Variants in NARF observed in about 807,000 individuals in gnomAD.
NARF encodes iron-only hydrogenase-like protein 2.
Under a neutral mutation model 48.0 loss-of-function variants are expected in NARF, and 41 were observed. The ratio of observed to expected loss-of-function variants is 0.85; its 90% confidence interval spans 0.66 to 1.11. The LOEUF (loss-of-function observed/expected upper bound fraction) is 1.11, where lower values mean the gene tolerates loss of function less well. Among genes scored for constraint, NARF ranks in the 50% least tolerant of loss-of-function variants. NARF has a pLI of 0.00. For synonymous variants in NARF, 215 were observed against 225.5 expected, an observed-to-expected ratio of 0.95 and a Z score of 0.42; for missense variants, 613 against 590.2, an observed-to-expected ratio of 1.04 and a Z score of -0.40.
chr17:82,459,857 A>G, intron 1 of NARF, 135 bp from the exon 2 acceptor site: 1 of 662,888 alleles, frequency 1.5e-6, no homozygotes, highest in Non-Finnish European at 2.4e-6. Flanking sequence ...TGAGAGCGAG[A>G]CTCCGTCTAA....
At chr17:82,468,992 T>C in intron 4 of NARF, 96 bp downstream of exon 4, 1 of 1,382,580 alleles carries the variant, frequency 7.2e-7, no homozygotes, top group Non-Finnish European at 9.9e-7. Flanking sequence ...GCAGGGTAGA[T>C]AAGCAACTTC....
At chr17:82,467,374 C>T (rs1003546438) in intron 3 of NARF, among the ~76,000 whole-genome samples, 6 of 152,212 alleles carry the variant, frequency 3.9e-5, no homozygotes, top group Non-Finnish European at 8.8e-5. Context: ...AACCTGTCTT[C>T]TATTGCGCTG....
At chr17:82,468,617 C>T (rs2043625704) in intron 3 of NARF, 147 bp from the exon 4 acceptor site, 3 of 749,262 alleles carry the variant, frequency 4.0e-6, no homozygotes, top group Admixed American at 3.3e-5. Context: ...TCTCCTTTTT[C>T]TTAATTATGT....
chr17:82,467,751 G>A (rs893790388), intron 3 of NARF, among the ~76,000 whole-genome samples: 3 of 152,108 alleles, frequency 2.0e-5, no homozygotes, highest in Non-Finnish European at 2.9e-5. Flanking sequence ...TGATCCGCCT[G>A]CCTCAGCCTC....
chr17:82,461,314 A>G (rs1467840154), intron 2 of NARF, among the ~76,000 whole-genome samples: 2 of 152,058 alleles, frequency 1.3e-5, no homozygotes, highest in African/African-American at 4.8e-5. Flanking sequence ...CCTGGCTCTC[A>G]AGAATGTGAT....
intron 8 of NARF, 172 bp from the exon 9 acceptor site, chr17:82,484,641 G>A (rs921906578): frequency 1.4e-6 from 1 of 723,500 alleles, no homozygotes; most frequent in Non-Finnish European, 2.1e-6. Flanking sequence ...GCCCTCCCAA[G>A]ACCCCTCAAG....
Position 82,464,536 on chromosome 17 carries a change from A to C in NARF, c.252+106A>C, listed in dbSNP as rs1008295219. On this transcript the variant is annotated intron_variant, in intron 3 of 10. Transcript: ENST00000309794. ...GCCTCTGCTGGGACATCGGATGCAC[A>C]TCTCAGCCTTTTCCTGGTGTTGCTA... is the stretch of plus-strand genomic sequence containing the variant. 34 of 1,372,546 alleles carry C rather than the reference A, an allele frequency of 2.5e-5. 1 individual carries two copies. The Admixed American group carries it at 5.8e-4, about 23-fold the overall frequency. The allele number at this position is 1,372,546 out of a possible 1,614,324, so 85.0% of individuals were successfully genotyped here.
At chr17:82,470,076 G>T (rs1028852440) in intron 4 of NARF, among the ~76,000 whole-genome samples, 38 of 152,166 alleles carry the variant, frequency 2.5e-4, no homozygotes, top group African/African-American at 8.9e-4. Context: ...TGCTAAATAA[G>T]TACATAAATG....
rs74558496 is a variant in NARF at position 82,487,604 on chromosome 17, A to G, written c.1130-312A>G. On this transcript the variant is annotated intron_variant, in intron 10 of 10. Coordinates refer to ENST00000309794, the MANE Select transcript of NARF (RefSeq NM_012336.4). ...CAGCCCTAGCCTTAGGCCACACAACATTCCACGTCCCCTTTATTCCTCTCC... is the reference window on the plus strand; with the variant it reads ...CAGCCCTAGCCTTAGGCCACACAACGTTCCACGTCCCCTTTATTCCTCTCC... 6.3e-3 allele frequency among the ~76,000 whole-genome samples: 960 copies of G among 152,110 alleles called. 8 individuals are homozygous for G. Among genetic ancestry groups the G allele is most frequent in the African/African-American group, 0.022 (915 of 41,500 alleles).
chr17:82,481,988 A>G (rs1431564619), intron 7 of NARF: 1 of 301,582 alleles, frequency 3.3e-6, no homozygotes, highest in African/African-American at 2.3e-5. Flanking sequence ...CTCCTTTCAG[A>G]TGTTAAGAGC....
chr17:82,470,320 C>T (rs913579313), intron 4 of NARF, among the ~76,000 whole-genome samples: 5 of 152,116 alleles, frequency 3.3e-5, no homozygotes, highest in Admixed American at 3.3e-4. Flanking sequence ...CATAAAGCCT[C>T]GGGTTAGGTT....
chr17:82,465,815 C>T (rs1317281445), intron 3 of NARF, among the ~76,000 whole-genome samples: 1 of 152,234 alleles, frequency 6.6e-6, no homozygotes, highest in East Asian at 1.9e-4. Context: ...ATCCTCCAGC[C>T]TCAGCCTCCC....
intron 10 of NARF, among the ~76,000 whole-genome samples, chr17:82,486,742 G>C (rs2044104010): frequency 6.6e-6 from 1 of 152,218 alleles, no homozygotes; most frequent in Admixed American, 6.5e-5. Flanking sequence ...CAGCCCCCTG[G>C]GAAAGTGGAG....
At chr17:82,485,014 A>G in intron 9 of NARF, 64 bp downstream of exon 9, 1 of 1,510,840 alleles carries the variant, frequency 6.6e-7, no homozygotes, top group Non-Finnish European at 8.9e-7. Flanking sequence ...GTGTGCCTGT[A>G]TGGATCTGTG....
chr17:82,458,913 G>T (rs1489729462), intron 1 of NARF, 83 bp downstream of exon 1: 1 of 1,284,848 alleles, frequency 7.8e-7, no homozygotes, highest in Non-Finnish European at 9.8e-7. Flanking sequence ...GTCCGGGCCC[G>T]CCGCTCGCTC....
chr17:82,479,879 G>A (rs1455826030), intron 6 of NARF: 1 of 152,446 alleles, frequency 6.6e-6, no homozygotes, highest in Non-Finnish European at 1.5e-5. Context: ...CGAAAAATGA[G>A]CTATGGGACT....
chr17:82,480,977 A>C, intron 6 of NARF, 105 bp from the exon 7 acceptor site: 3 of 1,313,776 alleles, frequency 2.3e-6, no homozygotes. Context: ...TCTGGAGGGC[A>C]GCAGCAGGGG....
intron 4 of NARF, 72 bp from the exon 5 acceptor site, chr17:82,472,492 A>G: frequency 2.0e-6 from 3 of 1,496,542 alleles, no homozygotes; most frequent in Non-Finnish European, 2.7e-6. Flanking sequence ...TCAAAAAAAA[A>G]AAAAAAGAGG....
rs536748075 is a variant in NARF, at chr17:82,468,986, G to T, written c.385+90G>T. On this transcript the variant is annotated intron_variant, in intron 4 of 10. Coordinates refer to ENST00000309794, the MANE Select transcript of NARF (RefSeq NM_012336.4). ...TAAAGTTCGTTTTTCAAGGACGCAGGGTAGATAAGCAACTTCCAAAAGAGT... is the reference window on the plus strand; with the variant it reads ...TAAAGTTCGTTTTTCAAGGACGCAGTGTAGATAAGCAACTTCCAAAAGAGT... 135 of 1,439,374 alleles carry T rather than the reference G, an allele frequency of 9.4e-5. 2 individuals carry two copies. The South Asian group carries it at 1.7e-3, about 18-fold the overall frequency. 89.2% of individuals were successfully genotyped at this position (1,439,374 alleles called of 1,614,324 possible). A position where few individuals can be genotyped will look rare whatever the true frequency, so the allele number is the denominator to read the frequency against.
Sources: allele counts gnomAD v4.1 joint callset (sites outside exome capture counted in the v4.1 genomes callset), GRCh38; gene constraint gnomAD v4.1.1; transcripts MANE v1.5; gene names NCBI Gene and HGNC (gene_info 2026-07-23, HGNC 2026-07-21).